BAIAP2: variants seen among roughly 807,000 people sequenced by gnomAD.
The protein encoded by BAIAP2 is BAR/IMD domain containing adaptor protein 2.
A neutral mutation model predicts 63.0 loss-of-function variants in BAIAP2; 18 were observed. The ratio of observed to expected loss-of-function variants is 0.29; its 90% CI spans 0.20 to 0.42. The LOEUF is 0.42. Among genes scored for constraint, BAIAP2 ranks in the 10% least tolerant of loss-of-function variants. The pLI is 1.00. For synonymous variants in BAIAP2, 386 were observed against 307.6 expected, an observed-to-expected ratio of 1.25 and a Z score of -2.67; for missense variants, 610 against 734.3, an observed-to-expected ratio of 0.83 and a Z score of 1.96.
At chr17:81,062,753 G>C (rs1017522235) in intron 3 of BAIAP2, among the ~76,000 whole-genome samples, 9 of 149,104 alleles carry the variant, frequency 6.0e-5, no homozygotes, top group African/African-American at 1.7e-4. Flanking sequence ...GAGCCAGTAC[G>C]TGTCTGCCAT....
At chr17:81,108,695 C>CCCCTGGG in intron 13 of BAIAP2, 186 bp downstream of exon 13, 1 of 866,574 alleles carries the variant, frequency 1.2e-6, no homozygotes, top group Admixed American at 2.8e-5. Flanking sequence ...CACGGGAACC[C>CCCCTGGG]CCCTGGGCCC....
At chr17:81,070,468 A>G (rs1568111932) in intron 3 of BAIAP2, among the ~76,000 whole-genome samples, 1 of 152,194 alleles carries the variant, frequency 6.6e-6, no homozygotes, top group Non-Finnish European at 1.5e-5. Flanking sequence ...GTCAGACCTT[A>G]AACCTCCTTG....
intron 3 of BAIAP2, among the ~76,000 whole-genome samples, chr17:81,084,503 C>T (rs997668547): frequency 6.6e-6 from 1 of 152,062 alleles, no homozygotes; most frequent in African/African-American, 2.4e-5. Flanking sequence ...TATGAGGACG[C>T]GTGTTTGCGC....
At chr17:81,083,788 G>C (rs1443055036) in intron 3 of BAIAP2, 2 of 152,314 alleles carry the variant, frequency 1.3e-5, no homozygotes, top group African/African-American at 4.8e-5. Context: ...CAGCTCCGAG[G>C]GAGCTTTGGC....
At chr17:81,088,888 G>A (rs2145420181) in intron 6 of BAIAP2, among the ~76,000 whole-genome samples, 1 of 152,350 alleles carries the variant, frequency 6.6e-6, no homozygotes, top group Admixed American at 6.5e-5. Context: ...GCTGGGGGCT[G>A]TCGGAGCCAC....
At chr17:81,052,133 C>A (rs543733785) in intron 1 of BAIAP2, among the ~76,000 whole-genome samples, 2 of 152,206 alleles carry the variant, frequency 1.3e-5, no homozygotes, top group Admixed American at 6.5e-5. Context: ...ACCCTCACGC[C>A]GGGTCCTGCT....
intron 3 of BAIAP2, among the ~76,000 whole-genome samples, chr17:81,072,365 C>G (rs536704279): frequency 1.5e-4 from 23 of 152,380 alleles, no homozygotes; most frequent in African/African-American, 5.0e-4. Context: ...GAGGGGCTCT[C>G]CTCAGTGTCC....
At chr17:81,057,049 A>G (rs2049709402) in intron 2 of BAIAP2, among the ~76,000 whole-genome samples, 1 of 152,282 alleles carries the variant, frequency 6.6e-6, no homozygotes, top group Non-Finnish European at 1.5e-5. Flanking sequence ...GTATATAAAT[A>G]AAATCTGATA....
chr17:81,085,022 A>G (rs968582025), intron 4 of BAIAP2, 129 bp downstream of exon 4: 1 of 920,756 alleles, frequency 1.1e-6, no homozygotes, highest in South Asian at 1.5e-5. Flanking sequence ...GCAGGGAGGG[A>G]CCCTGGCTCA....
At chr17:81,056,600 T>C (rs2049605598) in intron 2 of BAIAP2, 1 of 152,418 alleles carries the variant, frequency 6.6e-6, no homozygotes, top group Non-Finnish European at 1.5e-5. Flanking sequence ...TTCGGCCCTT[T>C]GATGCCACCA....
At chr17:81,039,198 TG>T (rs2046747871) in intron 1 of BAIAP2, among the ~76,000 whole-genome samples, 1 of 152,214 alleles carries the variant, frequency 6.6e-6, no homozygotes, top group African/African-American at 2.4e-5. Flanking sequence ...AGTGCTGATG[TG>T]GTCCCCTTGG....
intron 3 of BAIAP2, among the ~76,000 whole-genome samples, chr17:81,066,757 G>C (rs2051541071): frequency 6.6e-6 from 1 of 152,204 alleles, no homozygotes; most frequent in Non-Finnish European, 1.5e-5. Context: ...CCTGCTCTCT[G>C]TGAGGCCAGG....
chr17:81,092,439 G>A (rs145603704), intron 6 of BAIAP2, among the ~76,000 whole-genome samples: 1,619 of 152,322 alleles, frequency 0.011, 33 homozygotes, highest in African/African-American at 0.036. Flanking sequence ...GGGTGGGCGT[G>A]AGGTTGGCCA....
chr17:81,059,827 G>T (rs1732880328), intron 3 of BAIAP2, among the ~76,000 whole-genome samples: 1 of 152,050 alleles, frequency 6.6e-6, no homozygotes, highest in African/African-American at 2.4e-5. Context: ...TCGCCCCTTG[G>T]TCGCATGAGG....
At chr17:81,092,848 A>C (rs1184282953) in intron 6 of BAIAP2, among the ~76,000 whole-genome samples, 1 of 151,894 alleles carries the variant, frequency 6.6e-6, no homozygotes, top group African/African-American at 2.4e-5. Context: ...GGCAGGGGAC[A>C]CCTTCTCTGT....
chr17:81,108,415 G>A (rs1479177282), intron 12 of BAIAP2, 60 bp from the exon 13 acceptor site: 16 of 1,585,900 alleles, frequency 1.0e-5, no homozygotes, highest in Admixed American at 3.3e-5. Flanking sequence ...TACAGGCAGC[G>A]GGTGGGGGTG....
intron 3 of BAIAP2, among the ~76,000 whole-genome samples, chr17:81,058,679 G>T (rs2050036993): frequency 6.6e-6 from 1 of 152,246 alleles, no homozygotes; most frequent in South Asian, 2.1e-4. Flanking sequence ...GCACAAGGAA[G>T]CCTGAGTCGC....
intron 3 of BAIAP2, among the ~76,000 whole-genome samples, chr17:81,064,688 G>A (rs2051157724): frequency 6.6e-6 from 1 of 152,146 alleles, no homozygotes; most frequent in Non-Finnish European, 1.5e-5. Context: ...CCGGCCTTTG[G>A]TGATGTGGGT....
chr17:81,067,206 G>A (rs1039762563), intron 3 of BAIAP2, among the ~76,000 whole-genome samples: 1 of 152,228 alleles, frequency 6.6e-6, no homozygotes. Context: ...TAGGACTCCG[G>A]CAGGGGTGCT....
Sources: gnomAD v4.1 joint callset for allele counts (sites outside exome capture counted in the v4.1 genomes callset) on GRCh38, gnomAD v4.1.1 for gene constraint, MANE v1.5 for transcripts, NCBI Gene and HGNC (gene_info 2026-07-23, HGNC 2026-07-21) for gene names.